SCAPER: variants seen among roughly 807,000 people sequenced by gnomAD.
SCAPER encodes S-phase cyclin A associated protein in the ER.
In SCAPER, 98 loss-of-function variants were observed where a neutral mutation model predicts 182.2. That is an observed-to-expected ratio of 0.54 (90% confidence interval 0.46 to 0.64). SCAPER has a LOEUF of 0.64. Among genes scored for constraint, SCAPER ranks in the 30% least tolerant of loss-of-function variants. The pLI, the probability that SCAPER is intolerant of heterozygous loss-of-function variation, is 0.00. For synonymous variants in SCAPER, 605 were observed against 564.6 expected (o/e 1.07, Z -1.01); for missense variants, 1,432 against 1,690.0 (o/e 0.85, Z 2.68).
chr15:76,715,648 T>C (rs2059852069), intron 17 of SCAPER, among the ~76,000 whole-genome samples: 1 of 152,048 alleles, frequency 6.6e-6, no homozygotes, highest in South Asian at 2.1e-4. Context: ...GACCACCACA[T>C]GCTCCTCATC....
At chr15:76,494,922 T>C (rs1412360622) in intron 24 of SCAPER, among the ~76,000 whole-genome samples, 1 of 152,008 alleles carries the variant, frequency 6.6e-6, no homozygotes, top group African/African-American at 2.4e-5. Flanking sequence ...AAGACCAGAA[T>C]AGGATGCTCA....
intron 23 of SCAPER, among the ~76,000 whole-genome samples, chr15:76,543,615 T>C (rs1387895859): frequency 6.6e-6 from 1 of 152,158 alleles, no homozygotes; most frequent in Non-Finnish European, 1.5e-5. Flanking sequence ...AGTGCTTTTC[T>C]TCCTTACCTC....
chr15:76,364,759 G>A (rs905065962), intron 29 of SCAPER, among the ~76,000 whole-genome samples: 5 of 151,950 alleles, frequency 3.3e-5, no homozygotes, highest in African/African-American at 9.7e-5. Flanking sequence ...CTCCATATCC[G>A]GGACTTTGGA....
intron 23 of SCAPER, 126 bp from the exon 24 acceptor site, chr15:76,505,100 G>T: frequency 1.4e-6 from 1 of 716,594 alleles, no homozygotes; most frequent in Non-Finnish European, 2.3e-6. Context: ...ATAAATATTT[G>T]CTGAATGCTA....
chr15:76,450,860 C>T (rs2048326542), intron 25 of SCAPER, among the ~76,000 whole-genome samples: 1 of 152,146 alleles, frequency 6.6e-6, no homozygotes, highest in African/African-American at 2.4e-5. Flanking sequence ...GGCCTGTAAA[C>T]ACATATTTAA....
chr15:76,876,165 G>T (rs950943204), intron 2 of SCAPER, among the ~76,000 whole-genome samples: 3 of 152,160 alleles, frequency 2.0e-5, no homozygotes, highest in African/African-American at 7.2e-5. Context: ...CAAGCGCCAC[G>T]CACAGCCCTG....
chr15:76,832,657 T>C (rs918618465), intron 5 of SCAPER, among the ~76,000 whole-genome samples: 1 of 152,004 alleles, frequency 6.6e-6, no homozygotes, highest in African/African-American at 2.4e-5. Context: ...ATCATGAGGG[T>C]GAATCCTTTA....
intron 22 of SCAPER, among the ~76,000 whole-genome samples, chr15:76,593,615 C>T (rs1262204636): frequency 8.3e-6 from 1 of 120,706 alleles, no homozygotes; most frequent in African/African-American, 2.5e-5. Flanking sequence ...GACAAAGCCT[C>T]CAGAGGAAAA....
rs1350482366 is a variant in SCAPER, at chr15:76,600,385, ATATGTGTG to A, written c.2711+21371_2711+21378del. Among the ~76,000 whole-genome samples the A allele has an allele frequency of 3.1e-3, 120 of 38,454 alleles. 31 individuals carry two copies. The highest frequency in any genetic ancestry group is 6.5e-3 in the Non-Finnish European group (79 of 12,122). 25.2% of individuals were successfully genotyped at this position (38,454 alleles called of 152,430 possible). A position where few individuals can be genotyped will look rare whatever the true frequency, so the allele number is the denominator to read the frequency against. On this transcript the variant is annotated intron_variant, in intron 22 of 31. Transcript: ENST00000563290. ...AATAGCATACTTGGAAAGTGTGTGT[ATATGTGTG>A]TGTGTGTGTGTGTGTGTGTGTGTGT...
chr15:76,732,024 A>G (rs2060949578), intron 16 of SCAPER, among the ~76,000 whole-genome samples: 1 of 152,212 alleles, frequency 6.6e-6, no homozygotes, highest in South Asian at 2.1e-4. Context: ...TGATGATTCT[A>G]TTGCTATGAT....
chr15:76,499,673 C>T (rs2040920812), intron 24 of SCAPER, among the ~76,000 whole-genome samples: 1 of 152,060 alleles, frequency 6.6e-6, no homozygotes, highest in Non-Finnish European at 1.5e-5. Flanking sequence ...AGTGCTAAGC[C>T]GAACTATTCT....
chr15:76,605,371 T>C (rs111868457), intron 22 of SCAPER, among the ~76,000 whole-genome samples: 5 of 152,040 alleles, frequency 3.3e-5, no homozygotes, highest in Non-Finnish European at 7.4e-5. Flanking sequence ...CAGGGATGAA[T>C]CCCACTTGAT....
At chr15:76,577,802 C>T (rs1308037863) in intron 22 of SCAPER, among the ~76,000 whole-genome samples, 2 of 151,912 alleles carry the variant, frequency 1.3e-5, no homozygotes, top group African/African-American at 4.8e-5. Flanking sequence ...GGGAGAGACT[C>T]CTTCTGCTTG....
At position 76,705,950 on chromosome 15, in the gene SCAPER, C is replaced by T; in HGVS notation, c.2200G>A (p.Ala734Thr). 6.4e-7 allele frequency: 1 copy of T among 1,564,614 alleles called. No individual in the cohort carries two copies. ...AACTCTTCCATAGCTTCTTGTTGAG[C>T]AGCTGTGAGTGCTGCCAATCGTTCT... is the stretch of plus-strand genomic sequence containing the variant. ...REERLAALTA[A>T]QQEAMEELQK... is the part of the protein sequence containing the mutation. The change falls in exon 18 of 32, where the codon GCT becomes ACT. Residue 734 changes from alanine to threonine, a missense_variant. By Grantham distance (58) the Ala-to-Thr change is moderately conservative. Coordinates refer to ENST00000563290, the MANE Select transcript of SCAPER (RefSeq NM_020843.4).
chr15:76,806,161 G>A (rs781128976), intron 5 of SCAPER, among the ~76,000 whole-genome samples: 1 of 152,224 alleles, frequency 6.6e-6, no homozygotes, highest in East Asian at 1.9e-4. Flanking sequence ...TTCAAAGAGT[G>A]TTATACTTTC....
chr15:76,593,894 T>C (rs2049308913), intron 22 of SCAPER, among the ~76,000 whole-genome samples: 1 of 120,384 alleles, frequency 8.3e-6, no homozygotes, highest in African/African-American at 2.5e-5. Context: ...GGCTGAAAAT[T>C]CCAAACACCA....
intron 26 of SCAPER, among the ~76,000 whole-genome samples, chr15:76,425,554 G>C (rs1596550346): frequency 6.6e-6 from 1 of 152,204 alleles, no homozygotes; most frequent in East Asian, 1.9e-4. Context: ...TTTTGCAGTG[G>C]GTTCGAACTT....
At chr15:76,527,752 T>C (rs2043313590) in intron 23 of SCAPER, among the ~76,000 whole-genome samples, 1 of 152,194 alleles carries the variant, frequency 6.6e-6, no homozygotes, top group African/African-American at 2.4e-5. Flanking sequence ...CTATTTGGTG[T>C]TTATATTCAC....
At chr15:76,734,814 G>A (rs536455460) in intron 15 of SCAPER, among the ~76,000 whole-genome samples, 31 of 152,204 alleles carry the variant, frequency 2.0e-4, no homozygotes, top group African/African-American at 7.2e-4. Flanking sequence ...AGGGGTTGTA[G>A]TGAACCAAGA....
Sources: gnomAD v4.1 joint callset for allele counts (sites outside exome capture counted in the v4.1 genomes callset) on GRCh38, gnomAD v4.1.1 for gene constraint, MANE v1.5 for transcripts, NCBI Gene and HGNC (gene_info 2026-07-23, HGNC 2026-07-21) for gene names.